Variants in ZBTB16 observed in about 807,000 individuals in gnomAD.
The protein encoded by ZBTB16 is zinc finger and BTB domain containing 16, also known as zinc finger and BTB domain-containing protein 16.
ZBTB16 carries 8 observed loss-of-function variants against 56.8 expected under a neutral mutation model. The observed-to-expected ratio is 0.14, with a 90% CI of 0.08 to 0.25. The LOEUF is 0.25. Ranked by LOEUF, ZBTB16 falls within the 10% of genes least tolerant of loss-of-function variation. The pLI is 1.00. For missense variants in ZBTB16, 625 were observed against 903.0 expected (o/e 0.69, Z 3.95); for synonymous variants, 363 against 368.5 (o/e 0.98, Z 0.17).
At chr11:114,119,132 G>C (rs775236150) in intron 2 of ZBTB16, among the ~76,000 whole-genome samples, 1 of 151,908 alleles carries the variant, frequency 6.6e-6, no homozygotes, top group South Asian at 2.1e-4. Flanking sequence ...TGGATGTGGT[G>C]GTGGGTGCCT....
At chr11:114,090,937 A>G (rs1362282222) in intron 2 of ZBTB16, among the ~76,000 whole-genome samples, 1 of 152,090 alleles carries the variant, frequency 6.6e-6, no homozygotes, top group Non-Finnish European at 1.5e-5. Context: ...TTCAGATTTC[A>G]TCCTTCTCCA....
chr11:114,157,800 C>A (rs1390479982), intron 3 of ZBTB16, among the ~76,000 whole-genome samples: 1 of 152,178 alleles, frequency 6.6e-6, no homozygotes, highest in Non-Finnish European at 1.5e-5. Context: ...GATTTGTCCA[C>A]AGCAGGCAGC....
chr11:114,148,433 C>CTGTCTG (rs1390604849), intron 2 of ZBTB16, among the ~76,000 whole-genome samples: 7 of 41,592 alleles, frequency 1.7e-4, no homozygotes, highest in Admixed American at 6.2e-4. Flanking sequence ...CCCTCTCTCT[C>CTGTCTG]TCTTTCTCTC....
Position 114,064,136 on chromosome 11 carries a change from G to T in ZBTB16, c.836G>T (p.Gly279Val). 1 of 1,613,914 alleles carries T rather than the reference G, an allele frequency of 6.2e-7. No homozygotes were observed. The highest frequency in any genetic ancestry group is 8.5e-7 in the Non-Finnish European group (1 of 1,180,040). The change falls in exon 2 of 7, where the codon GGG becomes GTG. Residue 279 changes from glycine to valine, a missense_variant. Physicochemically the swap from Gly to Val is moderately radical, Grantham distance 109. Around this residue, in one of 6 missense-constraint regions of ZBTB16, gnomAD observed 384 missense variants for 393.5 expected, o/e 0.98. Transcript: ENST00000335953. The surrounding 1 kb of genome is among the most constrained non-coding windows in gnomAD (Gnocchi z 4.2). The stretch of plus-strand genomic sequence containing the variant: ...AAGGTTGAGGAAAGAGGCAAAGAGG[G>T]GCCTGGGACCCCGACTCGAAGCAGC... ...GDKVEERGKE[G>V]PGTPTRSSVI...
chr11:114,060,879 A>C lies in ZBTB16; in HGVS notation c.-91+997A>C, dbSNP rs1476334977. ...GGTCACGGCCCTGGGTCGGAGAGGG[A>C]GGGCGGGCAGACCCCTTCTCGCCTT... On this transcript the variant is annotated intron_variant, in intron 1 of 6. Coordinates refer to ENST00000335953, the MANE Select transcript of ZBTB16 (RefSeq NM_006006.6). This position sits in a 1 kb window ranked among gnomAD's most constrained non-coding sequence, Gnocchi z 6.0. Among the ~76,000 whole-genome samples, 1 of 151,724 alleles carries C rather than the reference A, an allele frequency of 6.6e-6. No individual in the cohort carries two copies. Among genetic ancestry groups the C allele is most frequent in the African/African-American group, 2.4e-5 (1 of 41,258 alleles).
At chr11:114,208,834 T>C (rs1057035144) in intron 4 of ZBTB16, among the ~76,000 whole-genome samples, 3 of 152,184 alleles carry the variant, frequency 2.0e-5, no homozygotes, top group African/African-American at 7.2e-5. Flanking sequence ...ATTCAGTAAT[T>C]AAGTATTCAG....
chr11:114,158,982 C>T (rs760651161), intron 3 of ZBTB16, among the ~76,000 whole-genome samples: 10 of 152,216 alleles, frequency 6.6e-5, no homozygotes, highest in Non-Finnish European at 1.5e-4. Context: ...GCCCCTGGCT[C>T]GTATTGTATC....
At chr11:114,183,192 C>A (rs1943289687) in intron 3 of ZBTB16, among the ~76,000 whole-genome samples, 1 of 152,116 alleles carries the variant, frequency 6.6e-6, no homozygotes, top group South Asian at 2.1e-4. Context: ...TTTGTGTTAT[C>A]CACGTGTAAG....
Position 114,114,902 on chromosome 11 carries a change from C to T in ZBTB16, c.1269-41435C>T, listed in dbSNP as rs369284530. On this transcript the variant is annotated intron_variant, in intron 2 of 6. Transcript: ENST00000335953. The stretch of plus-strand genomic sequence containing the variant: ...TTCGCCATGTTGCCCAGGCTGGTCT[C>T]GAACTCCTGAGTTCAAGTGATCCTC... Among the ~76,000 whole-genome samples the T allele has an allele frequency of 3.0e-4, 46 of 152,060 alleles. No individual in the cohort carries two copies. In the East Asian group the frequency reaches 4.5e-3, roughly 15 times the overall value.
intron 2 of ZBTB16, among the ~76,000 whole-genome samples, chr11:114,152,914 G>GAAGA (rs1290120303): frequency 1.3e-5 from 2 of 152,224 alleles, no homozygotes; most frequent in Non-Finnish European, 2.9e-5. Context: ...TGGTAAGGAA[G>GAAGA]AAGGAGGTGG....
intron 2 of ZBTB16, among the ~76,000 whole-genome samples, chr11:114,151,707 A>G (rs937243347): frequency 6.6e-6 from 1 of 152,236 alleles, no homozygotes; most frequent in Non-Finnish European, 1.5e-5. Flanking sequence ...TCAGCTAGGT[A>G]GTGCTCCTGG....
chr11:114,139,626 C>CAT (rs1769288069), intron 2 of ZBTB16, among the ~76,000 whole-genome samples: 2 of 138,568 alleles, frequency 1.4e-5, no homozygotes, highest in African/African-American at 5.6e-5. Context: ...CCGCGGTCCA[C>CAT]GTGTGTGTGT....
At chr11:114,170,353 G>A (rs750335038) in intron 3 of ZBTB16, among the ~76,000 whole-genome samples, 2 of 152,232 alleles carry the variant, frequency 1.3e-5, no homozygotes, top group African/African-American at 2.4e-5. Flanking sequence ...GTCTCAGGAC[G>A]TGCCCCAGCC....
chr11:114,070,333 C>T (rs972976748), intron 2 of ZBTB16, among the ~76,000 whole-genome samples: 1 of 151,814 alleles, frequency 6.6e-6, no homozygotes, highest in Non-Finnish European at 1.5e-5. Flanking sequence ...TGGTCTCGAT[C>T]TCCTGACCTC....
intron 3 of ZBTB16, among the ~76,000 whole-genome samples, chr11:114,179,089 C>G (rs935417641): frequency 1.3e-5 from 2 of 152,212 alleles, no homozygotes; most frequent in Non-Finnish European, 2.9e-5. Context: ...TCCCCACAGC[C>G]TTGTCAACCA....
chr11:114,102,328 G>A (rs1404917828), intron 2 of ZBTB16, among the ~76,000 whole-genome samples: 8 of 152,164 alleles, frequency 5.3e-5, no homozygotes, highest in African/African-American at 1.9e-4. Context: ...CTCACTGGGG[G>A]TTGAGGCTGC....
intron 4 of ZBTB16, among the ~76,000 whole-genome samples, chr11:114,193,217 A>G (rs1005984091): frequency 6.6e-6 from 1 of 152,166 alleles, no homozygotes; most frequent in Non-Finnish European, 1.5e-5. Context: ...GGCTTGCTCA[A>G]TAGGCCACAT....
At chr11:114,245,560 G>C (rs1565707507) in intron 5 of ZBTB16, among the ~76,000 whole-genome samples, 1 of 152,162 alleles carries the variant, frequency 6.6e-6, no homozygotes, top group South Asian at 2.1e-4. Context: ...GGAGGGGGGA[G>C]CTTTGGTTAG....
chr11:114,181,784 A>G (rs1479302935), intron 3 of ZBTB16, among the ~76,000 whole-genome samples: 4 of 152,014 alleles, frequency 2.6e-5, no homozygotes, highest in Admixed American at 2.0e-4. Context: ...AGCGCACTTT[A>G]TCTTCTGCTA....
Sources: gnomAD v4.1 joint callset for allele counts (sites outside exome capture counted in the v4.1 genomes callset) on GRCh38, gnomAD v4.1.1 for gene constraint, gnomAD v4.1.1 regional missense constraint, Gnocchi (gnomAD v3.1) non-coding constraint, MANE v1.5 for transcripts, NCBI Gene and HGNC (gene_info 2026-07-23, HGNC 2026-07-21) for gene names.